The following ENAH variants were observed in gnomAD, a reference collection of about 807,000 sequenced individuals.
The protein encoded by ENAH is ENAH actin regulator, also known as protein enabled homolog.
Under a neutral mutation model 78.7 loss-of-function variants are expected in ENAH, and 23 were observed. The observed-to-expected ratio is 0.29, with a 90% CI of 0.21 to 0.41. The LOEUF is 0.41. Among genes scored for constraint, ENAH ranks in the 10% least tolerant of loss-of-function variants. The pLI is 1.00. For missense variants in ENAH, 544 were observed against 691.0 expected (o/e 0.79, Z 2.39); for synonymous variants, 226 against 241.0 (o/e 0.94, Z 0.58).
intron 1 of ENAH, among the ~76,000 whole-genome samples, chr1:225,575,800 G>GTCT (rs780808459): frequency 3.9e-5 from 6 of 152,160 alleles, no homozygotes; most frequent in Non-Finnish European, 7.3e-5. Flanking sequence ...GACTGGCACT[G>GTCT]TCTCTCTCCC....
intron 3 of ENAH, among the ~76,000 whole-genome samples, chr1:225,539,319 C>A (rs1247117730): frequency 6.6e-6 from 1 of 152,006 alleles, no homozygotes; most frequent in Non-Finnish European, 1.5e-5. Flanking sequence ...TCAGTTGGGG[C>A]AGGGAAAAAA....
At chr1:225,505,663 T>G (rs981159612) in intron 11 of ENAH, among the ~76,000 whole-genome samples, 4 of 152,168 alleles carry the variant, frequency 2.6e-5, no homozygotes, top group Admixed American at 6.5e-5. Flanking sequence ...ACAGGAGAGA[T>G]AACTTAGGAA....
chr1:225,532,292 T>A (rs1340397725), intron 3 of ENAH, among the ~76,000 whole-genome samples: 2 of 152,042 alleles, frequency 1.3e-5, no homozygotes, highest in African/African-American at 4.8e-5. Context: ...GGAATGTACT[T>A]TATATATCCA....
rs1310759328 is a variant in ENAH at position 225,487,382 on chromosome 1, G to C, written c.*10393C>G. 1 of 152,174 alleles carries C rather than the reference G, an allele frequency of 6.6e-6. No homozygotes were observed. Among genetic ancestry groups the C allele is most frequent in the Non-Finnish European group, 1.5e-5 (1 of 68,046 alleles). 9.4% of individuals were successfully genotyped at this position (152,174 alleles called of 1,614,324 possible). On this transcript the variant is annotated 3_prime_UTR_variant, in exon 14 of 14. Coordinates refer to ENST00000366843, the MANE Select transcript of ENAH (RefSeq NM_018212.6). The stretch of plus-strand genomic sequence containing the variant: ...TTCCCTTCTTAAACGTAGATGTCAA[G>C]CTTAGAAGATGTTTCCTGACAATGA...
intron 5 of ENAH, chr1:225,517,697 G>A: frequency 6.4e-7 from 1 of 1,551,220 alleles, no homozygotes; most frequent in Non-Finnish European, 8.7e-7. Flanking sequence ...GTGTTCACAG[G>A]AGAAGAAGGT....
In ENAH at chr1:225,564,316, T is replaced by C. The variant is rs144315784; in HGVS notation, c.171+2933A>G. On this transcript the variant is annotated intron_variant, in intron 2 of 13. Coordinates refer to ENST00000366843, the MANE Select transcript of ENAH (RefSeq NM_018212.6). ...TTTTTTGTTTTTTTTTGAGATGGTG[T>C]TTCGCTCTTGTTGCCCAGGCTGGAG... Among the ~76,000 whole-genome samples the C allele has an allele frequency of 6.0e-3, 908 of 152,010 alleles. 14 individuals carry two copies. The highest frequency in any genetic ancestry group is 0.021 in the African/African-American group (870 of 41,472).
At chr1:225,634,676 T>A (rs896723136) in intron 1 of ENAH, among the ~76,000 whole-genome samples, 5 of 152,202 alleles carry the variant, frequency 3.3e-5, no homozygotes, top group African/African-American at 1.2e-4. Context: ...GATTATCCCT[T>A]CTCTCAGGAG....
At position 225,492,477 on chromosome 1, in the gene ENAH, C is replaced by T. The variant is rs2096226774; in HGVS notation, c.*5298G>A. The T allele has an allele frequency of 6.6e-6, 1 of 152,208 alleles. No homozygotes were observed. Among genetic ancestry groups the T allele is most frequent in the Non-Finnish European group, 1.5e-5 (1 of 68,050 alleles). 9.4% of individuals were successfully genotyped at this position (152,208 alleles called of 1,614,324 possible). On this transcript the variant is annotated 3_prime_UTR_variant, in exon 14 of 14. Coordinates refer to ENST00000366843, the MANE Select transcript of ENAH (RefSeq NM_018212.6). ...ACCAACTGGGGCCCCTAATTTTCTC[C>T]CTCTGCCTAGAATTCCTGTGTCCTA...
At chr1:225,517,738 G>A (rs1315983103) in intron 5 of ENAH, 2 of 1,551,284 alleles carry the variant, frequency 1.3e-6, no homozygotes, top group Non-Finnish European at 1.7e-6. Flanking sequence ...ACGAGGAACT[G>A]TAGCGTAATG....
At chr1:225,595,856 C>CA (rs1199040023) in intron 1 of ENAH, among the ~76,000 whole-genome samples, 1 of 152,032 alleles carries the variant, frequency 6.6e-6, no homozygotes, top group African/African-American at 2.4e-5. Flanking sequence ...ATGAGTAATC[C>CA]AATTCATAAA....
intron 1 of ENAH, among the ~76,000 whole-genome samples, chr1:225,572,916 G>A (rs1426614457): frequency 2.0e-5 from 3 of 152,128 alleles, no homozygotes; most frequent in Admixed American, 2.0e-4. Flanking sequence ...GGCATTAAAA[G>A]GCTAGAGATA....
chr1:225,602,502 C>G (rs909609790), intron 1 of ENAH, among the ~76,000 whole-genome samples: 1 of 152,018 alleles, frequency 6.6e-6, no homozygotes, highest in Non-Finnish European at 1.5e-5. Flanking sequence ...AAAGAAAAAA[C>G]TCAGGTGGTT....
chr1:225,533,862 G>A (rs962806915), intron 3 of ENAH, among the ~76,000 whole-genome samples: 8 of 151,904 alleles, frequency 5.3e-5, no homozygotes, highest in Non-Finnish European at 1.2e-4. Flanking sequence ...TAAAAACACA[G>A]GACTAAAAGA....
At chr1:225,528,286 GGAGAA>G (rs2096520378) in intron 4 of ENAH, among the ~76,000 whole-genome samples, 1 of 152,168 alleles carries the variant, frequency 6.6e-6, no homozygotes, top group African/African-American at 2.4e-5. Flanking sequence ...CAGTGTGCCT[GGAGAA>G]GAGTCTACAG....
At chr1:225,651,171 T>C (rs1217645780) in intron 1 of ENAH, among the ~76,000 whole-genome samples, 1 of 152,036 alleles carries the variant, frequency 6.6e-6, no homozygotes, top group Non-Finnish European at 1.5e-5. Flanking sequence ...CTATTTAAAC[T>C]CATCGCTTAT....
At chr1:225,516,881 C>CAA (rs537786721) in intron 6 of ENAH, among the ~76,000 whole-genome samples, 12 of 114,132 alleles carry the variant, frequency 1.1e-4, no homozygotes, top group Non-Finnish European at 1.9e-4. Flanking sequence ...CTCAAAAAAA[C>CAA]AAAAAAAAAA....
rs2096232540 is a variant in ENAH at position 225,493,374 on chromosome 1, T to C, written c.*4401A>G. 6.6e-6 allele frequency: 1 copy of C among 152,226 alleles called. No individual in the cohort carries two copies. Among genetic ancestry groups the C allele is most frequent in the South Asian group, 2.1e-4 (1 of 4,832 alleles). 9.4% of individuals were successfully genotyped at this position (152,226 alleles called of 1,614,324 possible). ...AAGTAATTGTCCTCTACTATGTCTT[T>C]ACATAGCCAAAGCTACCTACATCAA... is the stretch of plus-strand genomic sequence containing the variant. On this transcript the variant is annotated 3_prime_UTR_variant, in exon 14 of 14. Coordinates refer to ENST00000366843, the MANE Select transcript of ENAH (RefSeq NM_018212.6).
intron 5 of ENAH, 145 bp downstream of exon 5, chr1:225,519,053 T>C: frequency 1.6e-6 from 2 of 1,232,032 alleles, no homozygotes; most frequent in Non-Finnish European, 2.3e-6. Context: ...GTTAAAGTAG[T>C]AATTGCTGCA....
intron 3 of ENAH, among the ~76,000 whole-genome samples, chr1:225,539,851 C>T (rs537118399): frequency 5.3e-5 from 8 of 152,208 alleles, no homozygotes; most frequent in South Asian, 4.1e-4. Flanking sequence ...CTTTTTGTAC[C>T]AACTAGAACT....
Sources: allele counts gnomAD v4.1 joint callset (sites outside exome capture counted in the v4.1 genomes callset), GRCh38; gene constraint gnomAD v4.1.1; transcripts MANE v1.5; gene names NCBI Gene and HGNC (gene_info 2026-07-23, HGNC 2026-07-21).